Variants in FSD1 observed in about 807,000 individuals in gnomAD.
FSD1 encodes the protein fibronectin type III and SPRY domain containing 1, also known as fibronectin type III and SPRY domain-containing protein 1.
Under a neutral mutation model 58.2 loss-of-function variants are expected in FSD1, and 23 were observed. The ratio of observed to expected loss-of-function variants is 0.40; its 90% CI spans 0.28 to 0.56. The LOEUF is 0.56. FSD1 is among the 20% of genes least tolerant of loss of function. The probability of loss-of-function intolerance (pLI) is 0.54; values close to 1 mark genes in which losing one functional copy is unlikely to be tolerated. For synonymous variants in FSD1, 265 were observed against 263.4 expected (o/e 1.01, Z -0.06); for missense variants, 563 against 670.8 (o/e 0.84, Z 1.78).
rs536740542 is a variant in FSD1 at position 4,307,969 on chromosome 19, G to A, written c.331G>A (p.Glu111Lys). Residue 111 changes from glutamate (E) to lysine (K), a missense_variant, in exon 4 of 13, where the codon GAG (glutamate) becomes AAG (lysine). By Grantham distance (56) the Glu-to-Lys change is moderately conservative (BLOSUM62 1). Coordinates refer to ENST00000221856, the MANE Select transcript of FSD1 (RefSeq NM_024333.3). ...CCAGACTCTGCAGGCCATGGACAGC[G>A]AGGACTTTCCTCAGGTGGGTGCCTC... ...ANQTLQAMDS[E>K]DFPQAAKQIK... 7 of 1,613,582 alleles carry A rather than the reference G, an allele frequency of 4.3e-6. No individual in the cohort carries two copies. The East Asian group carries it at 6.7e-5, about 15-fold the overall frequency.
chr19:4,313,640 C>A (rs1039494275), intron 7 of FSD1, among the ~76,000 whole-genome samples: 1 of 151,372 alleles, frequency 6.6e-6, no homozygotes, highest in African/African-American at 2.4e-5. Flanking sequence ...ATTGCTTGAA[C>A]CCAGGAAGCA....
intron 7 of FSD1, among the ~76,000 whole-genome samples, chr19:4,313,728 A>C (rs1012002613): frequency 4.6e-5 from 7 of 151,012 alleles, no homozygotes; most frequent in African/African-American, 9.8e-5. Flanking sequence ...AAAAAAAAAA[A>C]AACAAAAAGC....
intron 7 of FSD1, among the ~76,000 whole-genome samples, chr19:4,316,101 C>T (rs1401487273): frequency 6.6e-6 from 1 of 151,652 alleles, no homozygotes; most frequent in Non-Finnish European, 1.5e-5. Context: ...TGCTATGTAG[C>T]ACAGGCTGGA....
chr19:4,316,741 GTTTATTT>G (rs1191231238), intron 7 of FSD1, among the ~76,000 whole-genome samples: 2 of 151,376 alleles, frequency 1.3e-5, no homozygotes, highest in Non-Finnish European at 2.9e-5. Flanking sequence ...TAAGATGTTT[GTTTATTT>G]TTTATTTTTT....
Position 4,316,779 on chromosome 19 carries a change from T to C in FSD1, c.701-403T>C, listed in dbSNP as rs1971760048. On this transcript the variant is annotated intron_variant, in intron 7 of 12. Transcript: ENST00000221856. ...TTTTTATTTTTTTTGAGATGGAGTTTCGTTCTTGTTGCCCAGGCTGGAGTG... is the reference window on the plus strand; with the variant it reads ...TTTTTATTTTTTTTGAGATGGAGTTCCGTTCTTGTTGCCCAGGCTGGAGTG... Among the ~76,000 whole-genome samples the C allele has an allele frequency of 4.6e-5, 7 of 151,140 alleles. No individual in the cohort carries two copies. The South Asian group carries it at 1.5e-3, about 32-fold the overall frequency.
In FSD1 at chr19:4,318,761, G is replaced by A. The variant is rs146050548; in HGVS notation, c.960-111G>A. 3,390 of 897,202 alleles carry A rather than the reference G, an allele frequency of 3.8e-3. 20 individuals carry two copies. Among genetic ancestry groups the A allele is most frequent in the Non-Finnish European group, 5.6e-3 (2,987 of 537,088 alleles). 55.6% of individuals were successfully genotyped at this position (897,202 alleles called of 1,614,324 possible). On this transcript the variant is annotated intron_variant, in intron 9 of 12. Transcript: ENST00000221856. ...ATATAGATAGAGCCAAATACTGCCAGAGATTGACCCAACATCCACGGTGGC... is the reference window on the plus strand; with the variant it reads ...ATATAGATAGAGCCAAATACTGCCAAAGATTGACCCAACATCCACGGTGGC...
chr19:4,313,373 A>C (rs1195908664), intron 7 of FSD1, among the ~76,000 whole-genome samples: 3 of 151,514 alleles, frequency 2.0e-5, no homozygotes, highest in East Asian at 3.9e-4. Context: ...AAAGAAAAAA[A>C]AAAACAAAAC....
chr19:4,322,357 G>T (rs1971703957), intron 10 of FSD1, among the ~76,000 whole-genome samples: 1 of 151,844 alleles, frequency 6.6e-6, no homozygotes, highest in Non-Finnish European at 1.5e-5. Context: ...GGGATAGCTG[G>T]GATCCCGAGG....
At chr19:4,305,848 A>ATG (rs891446469) in intron 1 of FSD1, 98 bp from the exon 2 acceptor site, 2 of 844,778 alleles carry the variant, frequency 2.4e-6, no homozygotes, top group African/African-American at 3.3e-5. Context: ...ACGTGTGTGC[A>ATG]TGTGTGTGCA....
chr19:4,314,667 A>G (rs1423277397), intron 7 of FSD1, among the ~76,000 whole-genome samples: 2 of 152,072 alleles, frequency 1.3e-5, no homozygotes, highest in Admixed American at 6.6e-5. Flanking sequence ...TTGTATTTTT[A>G]GTAGAGATGG....
chr19:4,305,902 A>ATG, intron 1 of FSD1, 44 bp from the exon 2 acceptor site: 1 of 1,427,320 alleles, frequency 7.0e-7, no homozygotes, highest in Non-Finnish European at 9.9e-7. Context: ...GTGTGCGCAC[A>ATG]TGTGTGTGTG....
At chr19:4,309,376 G>C (rs1224240925) in intron 4 of FSD1, among the ~76,000 whole-genome samples, 1 of 152,184 alleles carries the variant, frequency 6.6e-6, no homozygotes. Context: ...AAGAGTGCAT[G>C]GGACATAGTC....
chr19:4,319,442 A>C (rs1971790832), intron 10 of FSD1, among the ~76,000 whole-genome samples: 3 of 152,192 alleles, frequency 2.0e-5, no homozygotes, highest in African/African-American at 7.2e-5. Flanking sequence ...TGTGAAGAAG[A>C]AGCTGGAGTT....
At chr19:4,319,783 G>A (rs1419494502) in intron 10 of FSD1, among the ~76,000 whole-genome samples, 1 of 152,030 alleles carries the variant, frequency 6.6e-6, no homozygotes, top group Non-Finnish European at 1.5e-5. Flanking sequence ...AATTTGTGGT[G>A]TGGGGAGTAG....
Position 4,304,776 on chromosome 19 carries a change from G to C in FSD1, c.15+15G>C. 1 of 488,520 alleles carries C rather than the reference G, an allele frequency of 2.0e-6. No individual in the cohort carries two copies. Among genetic ancestry groups the C allele is most frequent in the Non-Finnish European group, 2.9e-6 (1 of 343,962 alleles). 30.3% of individuals were successfully genotyped at this position (488,520 alleles called of 1,614,324 possible). On this transcript the variant is annotated intron_variant, in intron 1 of 12. Coordinates refer to ENST00000221856, the MANE Select transcript of FSD1 (RefSeq NM_024333.3). ...AAGAACAGAGGGTAGGACGGGGTGG[G>C]GCAGGGCGGGCCCGCAGGGGCGTCG...
intron 7 of FSD1, among the ~76,000 whole-genome samples, chr19:4,316,119 G>T (rs1461213483): frequency 6.6e-6 from 1 of 151,112 alleles, no homozygotes; most frequent in Non-Finnish European, 1.5e-5. Context: ...GGAGTGCAGT[G>T]ATGCAATCAT....
At chr19:4,322,084 C>CG (rs1555731812) in intron 10 of FSD1, among the ~76,000 whole-genome samples, 4 of 99,904 alleles carry the variant, frequency 4.0e-5, no homozygotes, top group East Asian at 3.0e-4. Context: ...CAAGGATTAT[C>CG]GGGGGGAATA....
rs755704635 is a variant in FSD1, at chr19:4,323,336, C to G, written c.1292-12C>G. Reference sequence around the variant, plus strand: ...TGACCGGTCCCACTGTCACTCTGCCCCCCGACCCCAGGCCTCCTGTCCTTC... The same window carrying G: ...TGACCGGTCCCACTGTCACTCTGCCGCCCGACCCCAGGCCTCCTGTCCTTC... On this transcript the variant is annotated splice_polypyrimidine_tract_variant and intron_variant, in intron 11 of 12. Coordinates refer to ENST00000221856, the MANE Select transcript of FSD1 (RefSeq NM_024333.3). The surrounding 1 kb of genome is among the most constrained non-coding windows in gnomAD (Gnocchi z 7.7). The G allele has an allele frequency of 6.2e-7, 1 of 1,612,992 alleles. No individual in the cohort carries two copies. The highest frequency in any genetic ancestry group is 8.5e-7 in the Non-Finnish European group (1 of 1,179,344).
rs1044214861 is a variant in FSD1, at chr19:4,322,999, C to T, written c.1053C>T (p.Ile351=). ...ESYTVLGDTL[I]DGGEHYWEVR... ...CCTGCGCCACAGGGGACACGCTGAT[C>T]GACGGCGGGGAGCATTACTGGGAGG... is the stretch of plus-strand genomic sequence containing the variant. Residue 351 remains isoleucine, a synonymous_variant, in exon 11 of 13, where the codon ATC becomes ATT. Transcript: ENST00000221856. 8.1e-6 allele frequency: 13 copies of T among 1,610,512 alleles called. No homozygotes were observed. Among genetic ancestry groups the T allele is most frequent in the South Asian group, 4.4e-5 (4 of 90,754 alleles).
Sources: gnomAD v4.1 joint callset for allele counts (sites outside exome capture counted in the v4.1 genomes callset) on GRCh38, gnomAD v4.1.1 for gene constraint, Gnocchi (gnomAD v3.1) non-coding constraint, MANE v1.5 for transcripts, NCBI Gene and HGNC (gene_info 2026-07-23, HGNC 2026-07-21) for gene names.